Variants in HDGFL2 observed in about 807,000 individuals in gnomAD.
The protein encoded by HDGFL2 is HDGF like 2.
In HDGFL2, 36 loss-of-function variants were observed where a neutral mutation model predicts 77.1. The ratio of observed to expected loss-of-function variants is 0.47; its 90% CI spans 0.36 to 0.62. HDGFL2 has a LOEUF of 0.62. Among genes scored for constraint, HDGFL2 ranks in the 20% least tolerant of loss-of-function variants. The pLI is 0.00. For synonymous variants in HDGFL2, 463 were observed against 413.1 expected (o/e 1.12, Z -1.46); for missense variants, 976 against 973.4 (o/e 1.00, Z -0.04).
At chr19:4,483,323 G>A (rs748951932) in intron 3 of HDGFL2, among the ~76,000 whole-genome samples, 1 of 152,138 alleles carries the variant, frequency 6.6e-6, no homozygotes, top group East Asian at 1.9e-4. Context: ...GCTGGTGTGC[G>A]CCTGCTGTGG....
intron 6 of HDGFL2, among the ~76,000 whole-genome samples, chr19:4,492,875 GTGTGGTGTGTGTTATC>G (rs1370945509): frequency 2.5e-5 from 3 of 120,540 alleles, no homozygotes; most frequent in African/African-American, 3.6e-5. Flanking sequence ...GGTGTGTGTG[GTGTGGTGTGTGTTATC>G]TGTGGTGTGT....
rs1339944710 is a variant in HDGFL2, at chr19:4,493,738, C to G, written c.714C>G (p.Ala238=). The G allele has an allele frequency of 6.6e-7, 1 of 1,513,978 alleles. No individual in the cohort carries two copies. Among genetic ancestry groups the G allele is most frequent in the Non-Finnish European group, 8.9e-7 (1 of 1,125,190 alleles). The allele number at this position is 1,513,978 out of a possible 1,614,324, so 93.8% of individuals were successfully genotyped here. A position where few individuals can be genotyped will look rare whatever the true frequency, so the allele number is the denominator to read the frequency against. The change falls in exon 7 of 16, where the codon GCC becomes GCG. Residue 238 remains alanine, a synonymous_variant. Coordinates refer to ENST00000616600, the MANE Select transcript of HDGFL2 (RefSeq NM_001001520.3). The stretch of plus-strand genomic sequence containing the variant: ...CAGCCTCCGACTCCGACTCCAAGGC[C>G]GATTCGGACGGGGCCAAGCCTGAGC... ...APSASDSDSK[A]DSDGAKPEPV... is the part of the protein sequence containing the mutation.
At chr19:4,475,637 G>A (rs1477961103) in intron 3 of HDGFL2, 54 bp downstream of exon 3, 1 of 1,523,758 alleles carries the variant, frequency 6.6e-7, no homozygotes, top group Non-Finnish European at 8.8e-7. Flanking sequence ...TGCAAGAAGG[G>A]GCCTCCAGTT....
At chr19:4,472,488 A>AGGCT in intron 1 of HDGFL2, 66 bp downstream of exon 1, 1 of 806,858 alleles carries the variant, frequency 1.2e-6, no homozygotes, top group Non-Finnish European at 1.5e-6. Flanking sequence ...CCCGGGCCGG[A>AGGCT]GGCGGGCACT....
At chr19:4,480,821 G>T (rs1037566888) in intron 3 of HDGFL2, among the ~76,000 whole-genome samples, 10 of 152,090 alleles carry the variant, frequency 6.6e-5, no homozygotes, top group Admixed American at 3.9e-4. Flanking sequence ...CTTGACCATT[G>T]ACATCCCCTC....
intron 3 of HDGFL2, among the ~76,000 whole-genome samples, chr19:4,488,044 C>T (rs539140221): frequency 2.0e-5 from 3 of 152,078 alleles, no homozygotes; most frequent in Non-Finnish European, 2.9e-5. Flanking sequence ...GATCTCGGCT[C>T]ACTGCAACCT....
At chr19:4,496,175 AG>A (rs368930743) in intron 9 of HDGFL2, 126 bp from the exon 10 acceptor site, 1 of 747,716 alleles carries the variant, frequency 1.3e-6, no homozygotes, top group African/African-American at 1.7e-5. Context: ...ATCCTGCCCC[AG>A]CACCTTCAAA....
intron 3 of HDGFL2, among the ~76,000 whole-genome samples, chr19:4,483,833 A>G (rs1430374376): frequency 1.5e-5 from 2 of 136,582 alleles, no homozygotes; most frequent in African/African-American, 2.8e-5. Flanking sequence ...TCTGTCTCCT[A>G]AGCTGGAGTG....
chr19:4,479,724 C>T (rs1321791863), intron 3 of HDGFL2, among the ~76,000 whole-genome samples: 1 of 151,676 alleles, frequency 6.6e-6, no homozygotes, highest in Non-Finnish European at 1.5e-5. Flanking sequence ...CTGGCCAACA[C>T]AGTGAAACCC....
At chr19:4,487,954 A>G (rs1568209883) in intron 3 of HDGFL2, among the ~76,000 whole-genome samples, 1 of 151,884 alleles carries the variant, frequency 6.6e-6, no homozygotes, top group Non-Finnish European at 1.5e-5. Flanking sequence ...AAAAAAAAAA[A>G]AAAGGAACCA....
chr19:4,494,304 G>A lies in HDGFL2; in HGVS notation c.1053G>A (p.Glu351=), dbSNP rs752949672. ...RLREQEKEEK[E]RRRERADRGE... ...GGGAGCAGGAGAAGGAGGAGAAGGA[G>A]CGGAGGCGCGAGCGGGCCGACCGCG... is the stretch of plus-strand genomic sequence containing the variant. The change falls in exon 9 of 16, where the codon GAG becomes GAA. Residue 351 remains glutamate (E), a synonymous_variant. Coordinates refer to ENST00000616600, the MANE Select transcript of HDGFL2 (RefSeq NM_001001520.3). 40 of 1,435,932 alleles carry A rather than the reference G, an allele frequency of 2.8e-5. No individual in the cohort carries two copies. Among genetic ancestry groups the A allele is most frequent in the Non-Finnish European group, 3.5e-5 (38 of 1,098,416 alleles). The allele number at this position is 1,435,932 out of a possible 1,614,324, so 88.9% of individuals were successfully genotyped here. A position where few individuals can be genotyped will look rare whatever the true frequency, so the allele number is the denominator to read the frequency against.
chr19:4,479,579 T>TAAAAA (rs566085453), intron 3 of HDGFL2, among the ~76,000 whole-genome samples: 5 of 121,992 alleles, frequency 4.1e-5, no homozygotes, highest in African/African-American at 6.3e-5. Context: ...AGATTCCATC[T>TAAAAA]AAAAAAAAAA....
Position 4,498,021 on chromosome 19 carries a change from G to C in HDGFL2, c.1392G>C (p.Glu464Asp). ...SEGFSMDRKV[E>D]KKKEPSVEEK... The stretch of plus-strand genomic sequence containing the variant: ...GCTTCTCGATGGACAGGAAGGTAGA[G>C]AAGAAGAAAGGTGAGGCCTGGCTGC... The change falls in exon 11 of 16, where the codon GAG becomes GAC. Residue 464 changes from glutamate (E) to aspartate (D), a missense_variant. By Grantham distance (45) the Glu-to-Asp change is conservative (BLOSUM62 2). Around this residue, in one of 5 missense-constraint regions of HDGFL2, gnomAD observed 567 missense variants for 534.7 expected, o/e 1.06. Coordinates refer to ENST00000616600, the MANE Select transcript of HDGFL2 (RefSeq NM_001001520.3). The C allele has an allele frequency of 1.3e-6, 2 of 1,555,700 alleles. No individual in the cohort carries two copies. The highest frequency in any genetic ancestry group is 1.7e-6 in the Non-Finnish European group (2 of 1,149,244).
At chr19:4,493,295 G>C (rs1975597869) in intron 6 of HDGFL2, among the ~76,000 whole-genome samples, 1 of 150,464 alleles carries the variant, frequency 6.6e-6, no homozygotes, top group Non-Finnish European at 1.5e-5. Flanking sequence ...TGTGTGGTGT[G>C]TGTGTGGTGT....
At chr19:4,495,663 G>C (rs911706634) in intron 9 of HDGFL2, among the ~76,000 whole-genome samples, 1 of 152,088 alleles carries the variant, frequency 6.6e-6, no homozygotes, top group African/African-American at 2.4e-5. Context: ...TGAGGGAGGT[G>C]GGAGCCATGG....
In HDGFL2 at chr19:4,494,318, GGGCCGACCGCGGGGA is replaced by G. The variant is rs1250129444; in HGVS notation, c.1071_1085del (p.Asp358_Ala362del). 9 of 1,424,400 alleles carry G rather than the reference GGGCCGACCGCGGGGA, an allele frequency of 6.3e-6. No homozygotes were observed. Among genetic ancestry groups the G allele is most frequent in the Middle Eastern group, 2.2e-4 (1 of 4,572 alleles). The allele number at this position is 1,424,400 out of a possible 1,614,324, so 88.2% of individuals were successfully genotyped here. ...GAGGAGAAGGAGCGGAGGCGCGAGC[GGGCCGACCGCGGGGA>G]GGCTGAGCGGGGCAGCGGCGGCAGC... On this transcript the variant is annotated inframe_deletion, in exon 9 of 16. Coordinates refer to ENST00000616600, the MANE Select transcript of HDGFL2 (RefSeq NM_001001520.3).
chr19:4,473,203 T>G (rs1599694010), intron 1 of HDGFL2, among the ~76,000 whole-genome samples: 2 of 121,160 alleles, frequency 1.7e-5, no homozygotes, highest in African/African-American at 3.3e-5. Flanking sequence ...AGCTGCGCCG[T>G]GGGGATCTGG....
At chr19:4,499,218 C>T (rs907630637) in intron 13 of HDGFL2, among the ~76,000 whole-genome samples, 6 of 152,096 alleles carry the variant, frequency 3.9e-5, no homozygotes, top group South Asian at 2.1e-4. Context: ...TGGTGGCGCA[C>T]GCCTGTAATC....
intron 1 of HDGFL2, among the ~76,000 whole-genome samples, chr19:4,473,038 G>A (rs1296747275): frequency 3.3e-5 from 5 of 150,208 alleles, no homozygotes; most frequent in African/African-American, 4.9e-5. Context: ...TCCTGGGCCC[G>A]AGGGAGTCGC....
Sources: gnomAD v4.1 joint callset for allele counts (sites outside exome capture counted in the v4.1 genomes callset) on GRCh38, gnomAD v4.1.1 for gene constraint, gnomAD v4.1.1 regional missense constraint, MANE v1.5 for transcripts, NCBI Gene and HGNC (gene_info 2026-07-23, HGNC 2026-07-21) for gene names.